MYO1D: variants seen among roughly 807,000 people sequenced by gnomAD.
MYO1D encodes myosin ID.
In MYO1D, 83 loss-of-function variants were observed where a neutral mutation model predicts 122.0. The ratio of observed to expected loss-of-function variants is 0.68; its 90% CI spans 0.57 to 0.82. The LOEUF is 0.82. Among genes scored for constraint, MYO1D ranks in the 40% least tolerant of loss-of-function variants. The pLI is 0.00. For missense variants in MYO1D, 1,157 were observed against 1,269.5 expected (o/e 0.91, Z 1.35); for synonymous variants, 464 against 446.9 (o/e 1.04, Z -0.48).
At chr17:32,533,410 C>T (rs923235625) in intron 21 of MYO1D, among the ~76,000 whole-genome samples, 15 of 152,130 alleles carry the variant, frequency 9.9e-5, no homozygotes, top group African/African-American at 1.2e-4. Context: ...TTCAAACCCA[C>T]CTTCTCTTCT....
At chr17:32,642,392 T>G (rs2088215014) in intron 19 of MYO1D, among the ~76,000 whole-genome samples, 1 of 152,180 alleles carries the variant, frequency 6.6e-6, no homozygotes, top group South Asian at 2.1e-4. Context: ...TCTTTTGGCT[T>G]AGGATTGACT....
At chr17:32,762,177 T>C (rs1324081417) in intron 8 of MYO1D, among the ~76,000 whole-genome samples, 7 of 151,564 alleles carry the variant, frequency 4.6e-5, no homozygotes, top group Non-Finnish European at 8.8e-5. Context: ...AGAAGAGCAG[T>C]CCAAGCAGAG....
At chr17:32,854,492 T>C (rs1040862630) in intron 1 of MYO1D, among the ~76,000 whole-genome samples, 3 of 152,234 alleles carry the variant, frequency 2.0e-5, no homozygotes, top group African/African-American at 7.2e-5. Flanking sequence ...AAGGGAGAAA[T>C]CATTGGCGAA....
intron 15 of MYO1D, among the ~76,000 whole-genome samples, chr17:32,716,040 C>T (rs897432224): frequency 4.6e-5 from 7 of 151,472 alleles, no homozygotes; most frequent in Non-Finnish European, 1.0e-4. Flanking sequence ...ATACATCAGT[C>T]AGAGTAGTTT....
At chr17:32,579,777 G>C (rs1055394400) in intron 21 of MYO1D, among the ~76,000 whole-genome samples, 1 of 152,120 alleles carries the variant, frequency 6.6e-6, no homozygotes, top group African/African-American at 2.4e-5. Flanking sequence ...TCTTTCACCA[G>C]GCAAAATTAT....
chr17:32,800,498 G>T (rs999903726), intron 1 of MYO1D, among the ~76,000 whole-genome samples: 1 of 151,998 alleles, frequency 6.6e-6, no homozygotes, highest in Non-Finnish European at 1.5e-5. Flanking sequence ...TAAAAAAGTC[G>T]AACTTAATAG....
intron 19 of MYO1D, among the ~76,000 whole-genome samples, chr17:32,648,060 A>G (rs2088322917): frequency 6.6e-6 from 1 of 152,112 alleles, no homozygotes; most frequent in Non-Finnish European, 1.5e-5. Flanking sequence ...CTAAAAATAT[A>G]AAAATTAGCC....
At chr17:32,568,695 G>A (rs1399867816) in intron 21 of MYO1D, among the ~76,000 whole-genome samples, 1 of 152,196 alleles carries the variant, frequency 6.6e-6, no homozygotes, top group East Asian at 1.9e-4. Flanking sequence ...TTGGCAATCT[G>A]AACTGAACCC....
intron 1 of MYO1D, among the ~76,000 whole-genome samples, chr17:32,808,360 C>T (rs1567652015): frequency 6.7e-6 from 1 of 149,208 alleles, no homozygotes; most frequent in Non-Finnish European, 1.5e-5. Context: ...GGATGAGAGC[C>T]TGTCTCTTTA....
chr17:32,766,596 C>T (rs550626939), intron 7 of MYO1D, among the ~76,000 whole-genome samples: 17 of 152,112 alleles, frequency 1.1e-4, no homozygotes, highest in African/African-American at 4.1e-4. Context: ...GAGATCGAGA[C>T]TGTCCTGGCT....
At chr17:32,782,015 C>T (rs2090244162) in intron 1 of MYO1D, among the ~76,000 whole-genome samples, 1 of 152,160 alleles carries the variant, frequency 6.6e-6, no homozygotes, top group Admixed American at 6.5e-5. Context: ...CCCTGACAGG[C>T]AAAATGCTGG....
At chr17:32,811,641 T>C (rs2090573541) in intron 1 of MYO1D, among the ~76,000 whole-genome samples, 1 of 141,932 alleles carries the variant, frequency 7.0e-6, no homozygotes, top group African/African-American at 2.9e-5. Context: ...TTTTTTTTTT[T>C]TGCCAGGAGG....
At chr17:32,654,662 C>A in intron 17 of MYO1D, 41 bp from the exon 18 acceptor site, 1 of 1,507,242 alleles carries the variant, frequency 6.6e-7, no homozygotes. Flanking sequence ...TTTAGAAATG[C>A]AATCCCATGC....
intron 16 of MYO1D, among the ~76,000 whole-genome samples, chr17:32,704,787 C>A (rs1182583542): frequency 6.6e-6 from 1 of 151,888 alleles, no homozygotes; most frequent in African/African-American, 2.4e-5. Flanking sequence ...ATTGAGGAAT[C>A]CTATGAAGGA....
intron 1 of MYO1D, among the ~76,000 whole-genome samples, chr17:32,822,916 G>A (rs973661408): frequency 6.6e-6 from 1 of 152,004 alleles, no homozygotes. Flanking sequence ...CACCAACATG[G>A]CACATGTATA....
At chr17:32,710,977 G>C (rs2089368937) in intron 16 of MYO1D, among the ~76,000 whole-genome samples, 1 of 152,136 alleles carries the variant, frequency 6.6e-6, no homozygotes, top group East Asian at 1.9e-4. Context: ...GTGCAAACTG[G>C]CTCATGCAAG....
At position 32,493,592 on chromosome 17, in the gene MYO1D, C is replaced by T. The variant is rs1014325773; in HGVS notation, c.*1167G>A. ...TCCCAGCCTCTACTTCCCTCAAGGCCTTCTCAGCAGCTGGGGCTCAGTGGG... is the reference window on the plus strand; with the variant it reads ...TCCCAGCCTCTACTTCCCTCAAGGCTTTCTCAGCAGCTGGGGCTCAGTGGG... On this transcript the variant is annotated 3_prime_UTR_variant, in exon 22 of 22. Transcript: ENST00000318217. The T allele has an allele frequency of 1.3e-5, 2 of 152,580 alleles. No individual in the cohort carries two copies. Among genetic ancestry groups the T allele is most frequent in the East Asian group, 1.9e-4 (1 of 5,192 alleles). The allele number at this position is 152,580 out of a possible 1,614,324, so 9.5% of individuals were successfully genotyped here.
At chr17:32,847,031 G>C (rs1048058363) in intron 1 of MYO1D, among the ~76,000 whole-genome samples, 3 of 152,108 alleles carry the variant, frequency 2.0e-5, no homozygotes, top group Non-Finnish European at 4.4e-5. Flanking sequence ...AGGGAGATTA[G>C]ATGATAGCAC....
intron 19 of MYO1D, among the ~76,000 whole-genome samples, chr17:32,649,247 T>C (rs78053674): frequency 0.015 from 2,309 of 152,332 alleles, 46 homozygotes; most frequent in African/African-American, 0.049. Context: ...CAATGCTTCA[T>C]TGGCATTAAG....
Sources: allele counts gnomAD v4.1 joint callset (sites outside exome capture counted in the v4.1 genomes callset), GRCh38; gene constraint gnomAD v4.1.1; transcripts MANE v1.5; gene names NCBI Gene and HGNC (gene_info 2026-07-23, HGNC 2026-07-21).